The following ABCA12 variants were observed in gnomAD, a reference collection of about 807,000 sequenced individuals.
ABCA12 encodes glucosylceramide transporter ABCA12.
Under a neutral mutation model 293.5 loss-of-function variants are expected in ABCA12, and 156 were observed. The observed-to-expected ratio is 0.53, with a 90% confidence interval of 0.47 to 0.61. The LOEUF is 0.61. Ranked by LOEUF, ABCA12 falls within the 20% of genes least tolerant of loss-of-function variation. ABCA12 has a pLI of 0.00. For missense variants in ABCA12, 2,797 were observed against 3,090.2 expected (o/e 0.91, Z 2.25); for synonymous variants, 1,063 against 1,108.0 (o/e 0.96, Z 0.81).
intron 2 of ABCA12, among the ~76,000 whole-genome samples, chr2:215,105,246 T>A (rs930842944): frequency 6.6e-6 from 1 of 152,012 alleles, no homozygotes; most frequent in Non-Finnish European, 1.5e-5. Flanking sequence ...AAGAGAGATA[T>A]AAAGGAAAAT....
rs1698076882 is a variant in ABCA12 at position 214,932,119 on chromosome 2, C to T, written c.*515G>A. On this transcript the variant is annotated 3_prime_UTR_variant, in exon 53 of 53. Coordinates refer to ENST00000272895, the MANE Select transcript of ABCA12 (RefSeq NM_173076.3). ...ACACATACATTGTAAACATTGTGCC[C>T]ACTGCTCTGCAAACGTTCATTTGGC... 5.6e-6 allele frequency: 1 copy of T among 178,962 alleles called. No individual in the cohort carries two copies. Among genetic ancestry groups the T allele is most frequent in the Non-Finnish European group, 1.2e-5 (1 of 84,498 alleles). The allele number at this position is 178,962 out of a possible 1,614,324, so 11.1% of individuals were successfully genotyped here.
intron 28 of ABCA12, among the ~76,000 whole-genome samples, chr2:214,985,707 C>T (rs1699769916): frequency 6.6e-6 from 1 of 152,092 alleles, no homozygotes; most frequent in South Asian, 2.1e-4. Context: ...AAAATTAATT[C>T]CAGTGTTTTT....
intron 2 of ABCA12, among the ~76,000 whole-genome samples, chr2:215,104,950 A>G (rs886382778): frequency 2.6e-5 from 4 of 152,182 alleles, no homozygotes; most frequent in African/African-American, 9.7e-5. Flanking sequence ...TAGCAAACCA[A>G]AACAAACTAA....
At chr2:214,998,624 A>G (rs991889310) in intron 22 of ABCA12, among the ~76,000 whole-genome samples, 1 of 152,246 alleles carries the variant, frequency 6.6e-6, no homozygotes, top group African/African-American at 2.4e-5. Context: ...TGTCCTGCTC[A>G]TGAAACCTGA....
chr2:215,048,526 C>A (rs891417993), intron 6 of ABCA12, among the ~76,000 whole-genome samples: 2 of 143,616 alleles, frequency 1.4e-5, no homozygotes, highest in African/African-American at 5.7e-5. Context: ...AAAACCCTAT[C>A]TCTACTAATA....
chr2:215,019,709 T>A lies in ABCA12; in HGVS notation c.1375A>T (p.Ser459Cys), dbSNP rs1700584660. 2 of 1,614,024 alleles carry A rather than the reference T, an allele frequency of 1.2e-6. No homozygotes were observed. Among genetic ancestry groups the A allele is most frequent in the South Asian group, 2.2e-5 (2 of 91,084 alleles). ...IEKSCQLSDMSFGSLCEESEF... is the reference protein window; with the variant it reads ...IEKSCQLSDMCFGSLCEESEF... The stretch of plus-strand genomic sequence containing the variant: ...CTTTCTTCACACAGGCTCCCAAAGC[T>A]CATATCAGAGAGCTGGCATGACTTC... Residue 459 changes from serine to cysteine, a missense_variant, in exon 12 of 53, where the codon AGC (serine) becomes TGC (cysteine). By Grantham distance (112) the Ser-to-Cys change is moderately radical. Around this residue, in one of 3 missense-constraint regions of ABCA12, gnomAD observed 656 missense variants for 638.2 expected, o/e 1.03. Coordinates refer to ENST00000272895, the MANE Select transcript of ABCA12 (RefSeq NM_173076.3).
intron 2 of ABCA12, among the ~76,000 whole-genome samples, chr2:215,066,855 G>C (rs1339211623): frequency 2.2e-5 from 3 of 138,358 alleles, no homozygotes; most frequent in Non-Finnish European, 3.3e-5. Context: ...TCAATGTAAG[G>C]GTGCCTGTTG....
chr2:215,060,137 A>G (rs1047696541), intron 3 of ABCA12, among the ~76,000 whole-genome samples: 1 of 152,050 alleles, frequency 6.6e-6, no homozygotes, highest in Non-Finnish European at 1.5e-5. Context: ...TTGTTGTCTA[A>G]TATTCTGGGC....
At chr2:215,053,161 A>G (rs184695027) in intron 4 of ABCA12, among the ~76,000 whole-genome samples, 1 of 152,250 alleles carries the variant, frequency 6.6e-6, no homozygotes, top group Non-Finnish European at 1.5e-5. Flanking sequence ...TTCCCAATGC[A>G]TCTACATCTA....
chr2:215,116,299 A>C (rs1185452274), intron 1 of ABCA12, among the ~76,000 whole-genome samples: 1 of 152,216 alleles, frequency 6.6e-6, no homozygotes, highest in Non-Finnish European at 1.5e-5. Flanking sequence ...TAGACAACTG[A>C]GTTCTAGGTG....
At chr2:214,981,946 T>A (rs1354621360) in intron 30 of ABCA12, among the ~76,000 whole-genome samples, 1 of 110,786 alleles carries the variant, frequency 9.0e-6, no homozygotes, top group Non-Finnish European at 1.7e-5. Flanking sequence ...GCTGTTTTTA[T>A]TATTATTATT....
chr2:214,990,343 A>G (rs1190714092), intron 24 of ABCA12, among the ~76,000 whole-genome samples: 3 of 152,192 alleles, frequency 2.0e-5, no homozygotes, highest in African/African-American at 7.2e-5. Flanking sequence ...GAACCATGAA[A>G]ATTGTTCACA....
intron 1 of ABCA12, among the ~76,000 whole-genome samples, chr2:215,126,181 G>T (rs991271351): frequency 6.6e-6 from 1 of 152,112 alleles, no homozygotes. Flanking sequence ...CTGATATGTT[G>T]CTGGATTCGG....
intron 40 of ABCA12, 88 bp downstream of exon 40, chr2:214,958,936 A>C: frequency 7.7e-7 from 1 of 1,300,156 alleles, no homozygotes; most frequent in East Asian, 2.3e-5. Flanking sequence ...ATTCATTCAG[A>C]TACAACTGTG....
chr2:215,090,964 G>T (rs1702130631), intron 2 of ABCA12, among the ~76,000 whole-genome samples: 1 of 152,048 alleles, frequency 6.6e-6, no homozygotes, highest in Admixed American at 6.6e-5. Flanking sequence ...CTCGACAATG[G>T]TTCTAAATGG....
intron 51 of ABCA12, among the ~76,000 whole-genome samples, chr2:214,935,199 G>A (rs1036135183): frequency 2.0e-5 from 3 of 152,102 alleles, no homozygotes; most frequent in African/African-American, 7.2e-5. Flanking sequence ...TTTGCTCTCA[G>A]ATTGTTGTTT....
At chr2:215,107,913 G>C (rs995374526) in intron 2 of ABCA12, among the ~76,000 whole-genome samples, 2 of 152,224 alleles carry the variant, frequency 1.3e-5, no homozygotes, top group African/African-American at 4.8e-5. Flanking sequence ...GATGAGAGTT[G>C]TGAAAGTCAG....
intron 4 of ABCA12, among the ~76,000 whole-genome samples, chr2:215,053,153 C>T (rs1034296188): frequency 6.6e-6 from 1 of 152,052 alleles, no homozygotes; most frequent in African/African-American, 2.4e-5. Context: ...TTAAGTAATT[C>T]CCAATGCATC....
At chr2:215,051,854 T>C (rs1345036378) in intron 5 of ABCA12, among the ~76,000 whole-genome samples, 1 of 152,056 alleles carries the variant, frequency 6.6e-6, no homozygotes, top group Non-Finnish European at 1.5e-5. Flanking sequence ...AGATTGTAGT[T>C]ACAAAGAGCA....
Sources: gnomAD v4.1 joint callset for allele counts (sites outside exome capture counted in the v4.1 genomes callset) on GRCh38, gnomAD v4.1.1 for gene constraint, gnomAD v4.1.1 regional missense constraint, MANE v1.5 for transcripts, NCBI Gene and HGNC (gene_info 2026-07-23, HGNC 2026-07-21) for gene names.